Variants in XPNPEP1 observed in about 807,000 individuals in gnomAD.
The protein encoded by XPNPEP1 is xaa-Pro aminopeptidase 1.
XPNPEP1 carries 39 observed loss-of-function variants against 92.4 expected under a neutral mutation model. That is an observed-to-expected ratio of 0.42 (90% CI 0.33 to 0.55). XPNPEP1 has a LOEUF of 0.55. Among genes scored for constraint, XPNPEP1 ranks in the 20% least tolerant of loss-of-function variants. The pLI is 0.08. For missense variants in XPNPEP1, 654 were observed against 856.1 expected (o/e 0.76, Z 2.95); for synonymous variants, 307 against 299.4 (o/e 1.03, Z -0.26).
At chr10:109,911,800 T>C (rs1292720560) in intron 2 of XPNPEP1, among the ~76,000 whole-genome samples, 1 of 152,240 alleles carries the variant, frequency 6.6e-6, no homozygotes, top group Non-Finnish European at 1.5e-5. Context: ...AAGAGTCTAA[T>C]ATACTTTCTT....
chr10:109,888,750 C>G (rs568761544), intron 5 of XPNPEP1, among the ~76,000 whole-genome samples, 155 bp from the exon 6 acceptor site: 2 of 152,290 alleles, frequency 1.3e-5, no homozygotes, highest in African/African-American at 4.8e-5. Flanking sequence ...CTGAACCTCC[C>G]TTAATCCTGG....
At chr10:109,879,120 T>C (rs1302315582) in intron 12 of XPNPEP1, among the ~76,000 whole-genome samples, 2 of 151,586 alleles carry the variant, frequency 1.3e-5, no homozygotes, top group Non-Finnish European at 2.9e-5. Context: ...CGGGCGCCTG[T>C]AGTCCCAGCT....
chr10:109,892,727 C>A, intron 4 of XPNPEP1: 1 of 374,506 alleles, frequency 2.7e-6, no homozygotes, highest in Non-Finnish European at 4.9e-6. Context: ...ATTGATAGAA[C>A]TTTTATATGT....
At chr10:109,904,427 GAAC>G (rs1849446319) in intron 3 of XPNPEP1, among the ~76,000 whole-genome samples, 1 of 151,904 alleles carries the variant, frequency 6.6e-6, no homozygotes, top group Non-Finnish European at 1.5e-5. Context: ...TACTATCACA[GAAC>G]AACATATAAA....
At chr10:109,918,269 A>C (rs1023888519) in intron 1 of XPNPEP1, among the ~76,000 whole-genome samples, 1 of 152,088 alleles carries the variant, frequency 6.6e-6, no homozygotes, top group Non-Finnish European at 1.5e-5. Flanking sequence ...AAATTTACAA[A>C]AATGAGCCAG....
At chr10:109,913,887 C>A (rs1176512795) in intron 2 of XPNPEP1, among the ~76,000 whole-genome samples, 1 of 152,182 alleles carries the variant, frequency 6.6e-6, no homozygotes, top group Non-Finnish European at 1.5e-5. Flanking sequence ...GATTCCATCA[C>A]TTTTTTCCTT....
At chr10:109,892,659 C>A in intron 4 of XPNPEP1, 1 of 204,212 alleles carries the variant, frequency 4.9e-6, no homozygotes, top group Non-Finnish European at 1.0e-5. Flanking sequence ...GGTTCTGAAA[C>A]TATATTAAAG....
chr10:109,881,551 A>G (rs1848097061), intron 10 of XPNPEP1, among the ~76,000 whole-genome samples: 1 of 152,170 alleles, frequency 6.6e-6, no homozygotes, highest in South Asian at 2.1e-4. Flanking sequence ...TTCTCTCCAG[A>G]GAGAGAGGAG....
intron 3 of XPNPEP1, among the ~76,000 whole-genome samples, chr10:109,904,281 G>A (rs886635809): frequency 2.0e-5 from 3 of 149,016 alleles, no homozygotes; most frequent in African/African-American, 2.5e-5. Flanking sequence ...CCACCACCCC[G>A]ATTCCAGCTT....
intron 1 of XPNPEP1, among the ~76,000 whole-genome samples, chr10:109,915,508 T>C (rs1850136389): frequency 6.6e-6 from 1 of 152,166 alleles, no homozygotes; most frequent in Non-Finnish European, 1.5e-5. Context: ...TTTTATAATT[T>C]CTCCCATACT....
At chr10:109,904,271 C>T (rs1290026239) in intron 3 of XPNPEP1, among the ~76,000 whole-genome samples, 1 of 149,948 alleles carries the variant, frequency 6.7e-6, no homozygotes. Context: ...TCCTCACATG[C>T]CACCACCCCG....
At chr10:109,887,592 T>C (rs1848462071) in intron 7 of XPNPEP1, among the ~76,000 whole-genome samples, 1 of 151,970 alleles carries the variant, frequency 6.6e-6, no homozygotes, top group African/African-American at 2.4e-5. Flanking sequence ...CCCATCACTA[T>C]CGCACAGGCC....
intron 1 of XPNPEP1, among the ~76,000 whole-genome samples, chr10:109,915,776 T>C (rs1850153662): frequency 6.6e-6 from 1 of 152,238 alleles, no homozygotes; most frequent in Admixed American, 6.5e-5. Context: ...GATAGTCTAA[T>C]GCCCTGGACA....
At chr10:109,887,999 G>A (rs1180902360) in intron 7 of XPNPEP1, 50 bp downstream of exon 7, 8 of 1,605,910 alleles carry the variant, frequency 5.0e-6, no homozygotes, top group Non-Finnish European at 6.8e-6. Flanking sequence ...ATAGCAAGAG[G>A]TGGGGGGACA....
rs551477836 is a variant in XPNPEP1, at chr10:109,919,316, C to T, written c.32+4086G>A. Among the ~76,000 whole-genome samples, 6 of 152,256 alleles carry T rather than the reference C, an allele frequency of 3.9e-5. No homozygotes were observed. The South Asian group carries it at 1.0e-3, about 26-fold the overall frequency. On this transcript the variant is annotated intron_variant, in intron 1 of 20. Coordinates refer to ENST00000502935, the MANE Select transcript of XPNPEP1 (RefSeq NM_020383.4). ...GACATATAACCCAATTTTAAATGGG[C>T]TAAGGATCTGAATAGACATTTCTCC...
In XPNPEP1 at chr10:109,880,978, A is replaced by AC. The variant is rs745502327; in HGVS notation, c.1042-48dup. ...GTGGGAAATCAAACCGGCTCCACCC[A>AC]CCCAAGACCAAGGCAACAACCTTTT... On this transcript the variant is annotated intron_variant, in intron 10 of 20. Transcript: ENST00000502935. 3.8e-6 allele frequency: 6 copies of AC among 1,560,782 alleles called. No homozygotes were observed. In the East Asian group the frequency reaches 1.4e-4, roughly 35 times the overall value.
intron 10 of XPNPEP1, among the ~76,000 whole-genome samples, chr10:109,882,042 C>A (rs1225667272): frequency 6.6e-6 from 1 of 152,162 alleles, no homozygotes; most frequent in Non-Finnish European, 1.5e-5. Flanking sequence ...CTGCTGTACC[C>A]TTATTCACTT....
At chr10:109,875,735 T>A (rs1459404533) in intron 14 of XPNPEP1, 136 bp from the exon 15 acceptor site, 1 of 648,750 alleles carries the variant, frequency 1.5e-6, no homozygotes, top group Non-Finnish European at 2.6e-6. Context: ...TAGAAAGTTA[T>A]GCAATAATGA....
chr10:109,906,011 C>A (rs560082123), intron 3 of XPNPEP1, among the ~76,000 whole-genome samples: 2 of 152,314 alleles, frequency 1.3e-5, no homozygotes, highest in Admixed American at 1.3e-4. Context: ...TTAATACAGG[C>A]CTGACCTTGT....
Sources: gnomAD v4.1 joint callset for allele counts (sites outside exome capture counted in the v4.1 genomes callset) on GRCh38, gnomAD v4.1.1 for gene constraint, MANE v1.5 for transcripts, NCBI Gene and HGNC (gene_info 2026-07-23, HGNC 2026-07-21) for gene names.